CATSPERB: variants seen among roughly 807,000 people sequenced by gnomAD.
The protein encoded by CATSPERB is cation channel sperm-associated auxiliary subunit beta.
In CATSPERB, 93 loss-of-function variants were observed where a neutral mutation model predicts 128.3. That is an observed-to-expected ratio of 0.72 (90% CI 0.61 to 0.86). The LOEUF (loss-of-function observed/expected upper bound fraction) is 0.86. Ranked by LOEUF, CATSPERB falls within the 40% of genes least tolerant of loss-of-function variation. CATSPERB has a pLI of 0.00. For synonymous variants in CATSPERB, 381 were observed against 448.8 expected (o/e 0.85, Z 1.91); for missense variants, 1,153 against 1,329.5 (o/e 0.87, Z 2.06).
At chr14:91,727,430 G>A (rs1452451480) in intron 2 of CATSPERB, among the ~76,000 whole-genome samples, 2 of 152,124 alleles carry the variant, frequency 1.3e-5, no homozygotes, top group African/African-American at 4.8e-5. Flanking sequence ...ATTTATAATT[G>A]AACGTTACTC....
Position 91,671,228 on chromosome 14 carries a change from AAGG to A in CATSPERB, c.1129-1259_1129-1257del, listed in dbSNP as rs1249187601. Among the ~76,000 whole-genome samples the A allele has an allele frequency of 2.0e-5, 3 of 152,148 alleles. No individual in the cohort carries two copies. The East Asian group carries it at 5.8e-4, about 29-fold the overall frequency. On this transcript the variant is annotated intron_variant, in intron 13 of 26. Transcript: ENST00000256343. ...TCTCCAGAGGAGTTTTATACCCCTG[AAGG>A]AGAAGGAAAGACCACTCATACCTAG... is the stretch of plus-strand genomic sequence containing the variant.
intron 23 of CATSPERB, 85 bp downstream of exon 23, chr14:91,591,807 G>A: frequency 1.1e-6 from 1 of 884,714 alleles, no homozygotes; most frequent in Non-Finnish European, 1.9e-6. Context: ...CTATGTCTTA[G>A]TTTTCATGTT....
rs1555360386 is a variant in CATSPERB at position 91,616,733 on chromosome 14, C to CT, written c.2400+863dup. Among the ~76,000 whole-genome samples the CT allele has an allele frequency of 8.6e-3, 724 of 84,576 alleles. 19 individuals carry two copies. The highest frequency in any genetic ancestry group is 0.023 in the African/African-American group (495 of 21,392). 55.5% of individuals were successfully genotyped at this position (84,576 alleles called of 152,430 possible). ...ATTTCTTATTATTTAAAGTATTCCC[C>CT]TTTTTTTTTTTTTTTTTTTTTTTTT... On this transcript the variant is annotated intron_variant, in intron 20 of 26. Coordinates refer to ENST00000256343, the MANE Select transcript of CATSPERB (RefSeq NM_024764.4).
At chr14:91,705,293 T>G (rs1322406686) in intron 6 of CATSPERB, among the ~76,000 whole-genome samples, 1 of 152,226 alleles carries the variant, frequency 6.6e-6, no homozygotes, top group Non-Finnish European at 1.5e-5. Flanking sequence ...CCCACTCATT[T>G]ACTTTTTGTT....
chr14:91,651,455 G>A lies in CATSPERB; in HGVS notation c.1432+8382C>T, dbSNP rs80066059. ...CTCCCTTTAACTATGTCTGCCCTCT[G>A]CAAATAGTCCCCTTGTAAAGCTTCT... On this transcript the variant is annotated intron_variant, in intron 15 of 26. Transcript: ENST00000256343. 8.4e-3 allele frequency among the ~76,000 whole-genome samples: 1,282 copies of A among 152,260 alleles called. 80 individuals carry two copies. The East Asian group carries it at 0.17, about 20-fold the overall frequency.
intron 20 of CATSPERB, among the ~76,000 whole-genome samples, chr14:91,617,314 T>C (rs1458023722): frequency 6.6e-6 from 1 of 152,178 alleles, no homozygotes; most frequent in Non-Finnish European, 1.5e-5. Flanking sequence ...GGTAAAAAAA[T>C]ATGATTCTGA....
rs144877236 is a variant in CATSPERB, at chr14:91,721,250, C to T, written c.310-1772G>A. On this transcript the variant is annotated intron_variant, in intron 4 of 26. Transcript: ENST00000256343. ...CAGCCGACTTCATTAAGAAAAACTTCTGTGTATCAAAGGACACTATAAAGA... is the reference window on the plus strand; with the variant it reads ...CAGCCGACTTCATTAAGAAAAACTTTTGTGTATCAAAGGACACTATAAAGA... Among the ~76,000 whole-genome samples the T allele has an allele frequency of 5.2e-3, 792 of 152,258 alleles. 7 individuals carry two copies. The highest frequency in any genetic ancestry group is 0.018 in the African/African-American group (740 of 41,536).
intron 3 of CATSPERB, 37 bp downstream of exon 3, chr14:91,725,043 G>A (rs372046371): frequency 2.8e-5 from 29 of 1,047,904 alleles, no homozygotes; most frequent in Non-Finnish European, 3.6e-5. Context: ...TTAAAGGAAC[G>A]TGAAGGGTTA....
At chr14:91,729,022 A>C (rs1896165613) in intron 2 of CATSPERB, among the ~76,000 whole-genome samples, 1 of 152,196 alleles carries the variant, frequency 6.6e-6, no homozygotes, top group Non-Finnish European at 1.5e-5. Context: ...TACATTGTGC[A>C]CTGTTCTGAG....
chr14:91,623,171 A>C (rs1894087598), intron 18 of CATSPERB, among the ~76,000 whole-genome samples: 1 of 152,174 alleles, frequency 6.6e-6, no homozygotes, highest in Admixed American at 6.5e-5. Flanking sequence ...CTGGGATTAC[A>C]GGCATGAGCC....
chr14:91,718,607 A>T (rs1407396309), intron 5 of CATSPERB, among the ~76,000 whole-genome samples: 1 of 152,218 alleles, frequency 6.6e-6, no homozygotes, highest in Non-Finnish European at 1.5e-5. Flanking sequence ...ATAAAATTCA[A>T]CTGTAATGAG....
chr14:91,581,280 T>C (rs371088156), intron 26 of CATSPERB, among the ~76,000 whole-genome samples, 173 bp from the exon 27 acceptor site: 1 of 152,228 alleles, frequency 6.6e-6, no homozygotes, highest in South Asian at 2.1e-4. Context: ...AAGTAACAAT[T>C]TGCCTACAAT....
At chr14:91,619,481 A>T (rs573697451) in intron 19 of CATSPERB, among the ~76,000 whole-genome samples, 5 of 151,920 alleles carry the variant, frequency 3.3e-5, no homozygotes, top group African/African-American at 1.2e-4. Flanking sequence ...GATGTTCTCA[A>T]TTTTTTTCAA....
chr14:91,600,068 G>T (rs1163540589), intron 22 of CATSPERB, among the ~76,000 whole-genome samples: 1 of 152,170 alleles, frequency 6.6e-6, no homozygotes, highest in Non-Finnish European at 1.5e-5. Context: ...TGGCTGTTAT[G>T]AATAATGCTG....
intron 7 of CATSPERB, 71 bp from the exon 8 acceptor site, chr14:91,693,550 C>T (rs1395971600): frequency 1.9e-6 from 2 of 1,080,596 alleles, no homozygotes; most frequent in African/African-American, 3.1e-5. Context: ...GGGCAAGAGC[C>T]CAGAGTCCGT....
At chr14:91,704,522 T>C (rs768022656) in intron 7 of CATSPERB, 30 bp downstream of exon 7, 1 of 1,575,582 alleles carries the variant, frequency 6.3e-7, no homozygotes, top group Non-Finnish European at 8.6e-7. Context: ...AAAAGGCCAA[T>C]GTCAACATTT....
At chr14:91,662,242 A>G (rs1047848412) in intron 14 of CATSPERB, among the ~76,000 whole-genome samples, 1 of 152,116 alleles carries the variant, frequency 6.6e-6, no homozygotes, top group African/African-American at 2.4e-5. Context: ...ATTTAAGCAC[A>G]TATGTTTAAA....
chr14:91,731,594 C>T (rs1179490832), intron 1 of CATSPERB, among the ~76,000 whole-genome samples: 1 of 152,186 alleles, frequency 6.6e-6, no homozygotes, highest in Non-Finnish European at 1.5e-5. Flanking sequence ...AAGCACTTGA[C>T]AAGTATTACT....
At chr14:91,704,783 A>C (rs1323201853) in intron 6 of CATSPERB, 82 bp from the exon 7 acceptor site, 1 of 1,405,004 alleles carries the variant, frequency 7.1e-7, no homozygotes, top group Non-Finnish European at 9.8e-7. Context: ...GTTTTAAAAG[A>C]ACTATGTAAA....
Sources: allele counts gnomAD v4.1 joint callset (sites outside exome capture counted in the v4.1 genomes callset), GRCh38; gene constraint gnomAD v4.1.1; transcripts MANE v1.5; gene names NCBI Gene and HGNC (gene_info 2026-07-23, HGNC 2026-07-21).